SEMA6D: variants seen among roughly 807,000 people sequenced by gnomAD.
The protein encoded by SEMA6D is semaphorin-6D.
In SEMA6D, 35 loss-of-function variants were observed where a neutral mutation model predicts 106.6. The observed-to-expected ratio is 0.33, with a 90% CI of 0.25 to 0.44. SEMA6D has a LOEUF of 0.44. Among genes scored for constraint, SEMA6D ranks in the 20% least tolerant of loss-of-function variants. SEMA6D has a pLI of 1.00. For missense variants in SEMA6D, 1,185 were observed against 1,345.9 expected, an observed-to-expected ratio of 0.88 and a Z score of 1.87; for synonymous variants, 499 against 487.7, an observed-to-expected ratio of 1.02 and a Z score of -0.31.
intron 1 of SEMA6D, among the ~76,000 whole-genome samples, chr15:47,307,095 A>G (rs2036261745): frequency 1.3e-5 from 2 of 152,188 alleles, no homozygotes; most frequent in African/African-American, 4.8e-5. Context: ...CATCTGTTTA[A>G]TGGGGATAAT....
At chr15:47,603,562 A>T (rs1475163241) in intron 4 of SEMA6D, 5 of 152,266 alleles carry the variant, frequency 3.3e-5, no homozygotes, top group South Asian at 4.1e-4. Context: ...CATCTGTAAA[A>T]TAAAGATGTT....
At chr15:47,189,504 A>T (rs1566914591) in intron 1 of SEMA6D, among the ~76,000 whole-genome samples, 1 of 152,212 alleles carries the variant, frequency 6.6e-6, no homozygotes, top group Non-Finnish European at 1.5e-5. Flanking sequence ...GTTGAGAGAA[A>T]AAAAACCCCA....
chr15:47,488,895 TGA>T lies in SEMA6D; in HGVS notation c.-87+18351_-87+18352del, dbSNP rs893858311. 5.4e-3 allele frequency among the ~76,000 whole-genome samples: 816 copies of T among 152,130 alleles called. 6 individuals carry two copies. The highest frequency in any genetic ancestry group is 0.019 in the African/African-American group (782 of 41,510). On this transcript the variant is annotated intron_variant, in intron 3 of 19. Coordinates refer to the SEMA6D transcript ENST00000558014. The stretch of plus-strand genomic sequence containing the variant: ...GAATTCATATTTTACCCTAAAACGG[TGA>T]AGAGTAGAGAGTAATTGAAGACTTA...
chr15:47,556,046 G>A (rs973247657), intron 3 of SEMA6D, among the ~76,000 whole-genome samples: 10 of 152,018 alleles, frequency 6.6e-5, no homozygotes, highest in Non-Finnish European at 1.3e-4. Context: ...GAGAATAAAG[G>A]CCTCATTAGA....
At chr15:47,566,154 A>ATGAGGTCATTCCT (rs1294095604) in intron 3 of SEMA6D, among the ~76,000 whole-genome samples, 1 of 152,202 alleles carries the variant, frequency 6.6e-6, no homozygotes, top group Non-Finnish European at 1.5e-5. Flanking sequence ...AGATGTCTGG[A>ATGAGGTCATTCCT]TGAGGTCATT....
At chr15:47,579,651 G>A (rs960449156) in intron 3 of SEMA6D, among the ~76,000 whole-genome samples, 2 of 152,120 alleles carry the variant, frequency 1.3e-5, no homozygotes, top group African/African-American at 4.8e-5. Flanking sequence ...TAAGTGGCAT[G>A]TGACTACAGT....
At chr15:47,533,475 G>C in intron 3 of SEMA6D, among the ~76,000 whole-genome samples, 1 of 152,188 alleles carries the variant, frequency 6.6e-6, no homozygotes, top group East Asian at 1.9e-4. Flanking sequence ...ACAATAGTCA[G>C]CAGAAAGTGT....
At chr15:47,687,066 CAA>C (rs369941348) in intron 4 of SEMA6D, among the ~76,000 whole-genome samples, 36 of 120,952 alleles carry the variant, frequency 3.0e-4, no homozygotes, top group Non-Finnish European at 2.2e-4. Context: ...ACCCTGTATC[CAA>C]AAAAAAAAAA....
intron 3 of SEMA6D, among the ~76,000 whole-genome samples, chr15:47,483,456 G>A (rs1432076982): frequency 6.6e-6 from 1 of 152,138 alleles, no homozygotes; most frequent in Non-Finnish European, 1.5e-5. Context: ...TATGAAATTT[G>A]TGGCTGCTCA....
intron 3 of SEMA6D, among the ~76,000 whole-genome samples, chr15:47,545,754 A>G (rs1269132196): frequency 1.3e-5 from 2 of 152,182 alleles, no homozygotes; most frequent in Non-Finnish European, 2.9e-5. Context: ...CTCAGAGGAC[A>G]GAATGAAGGA....
intron 4 of SEMA6D, among the ~76,000 whole-genome samples, chr15:47,643,293 T>G (rs2077523317): frequency 6.6e-6 from 1 of 152,222 alleles, no homozygotes; most frequent in Non-Finnish European, 1.5e-5. Flanking sequence ...GGCCTGCATT[T>G]CCACTGCTTT....
intron 3 of SEMA6D, among the ~76,000 whole-genome samples, chr15:47,491,006 G>A (rs954835029): frequency 6.6e-5 from 10 of 152,118 alleles, no homozygotes; most frequent in African/African-American, 2.4e-4. Context: ...TAGTGGGAAT[G>A]TAAACTGAAG....
intron 4 of SEMA6D, among the ~76,000 whole-genome samples, chr15:47,648,143 T>C (rs2077616422): frequency 6.6e-6 from 1 of 152,132 alleles, no homozygotes; most frequent in South Asian, 2.1e-4. Flanking sequence ...TGATACAAAA[T>C]ATATACAGCA....
chr15:47,439,576 G>T (rs2041823132), intron 2 of SEMA6D, among the ~76,000 whole-genome samples: 1 of 152,084 alleles, frequency 6.6e-6, no homozygotes, highest in South Asian at 2.1e-4. Flanking sequence ...CTGGGCCATG[G>T]TGTATCTTTT....
At chr15:47,213,210 G>T (rs886385182) in intron 1 of SEMA6D, among the ~76,000 whole-genome samples, 1 of 152,188 alleles carries the variant, frequency 6.6e-6, no homozygotes, top group Non-Finnish European at 1.5e-5. Flanking sequence ...TAGTGGCTGT[G>T]TATTTTGGAC....
At chr15:47,396,827 A>C (rs778387380) in intron 1 of SEMA6D, 11 of 152,126 alleles carry the variant, frequency 7.2e-5, no homozygotes, top group Non-Finnish European at 1.2e-4. Flanking sequence ...GGCCCAGTGC[A>C]AAATTAGAAT....
At chr15:47,417,902 T>G (rs1199029303) in intron 2 of SEMA6D, among the ~76,000 whole-genome samples, 1 of 152,110 alleles carries the variant, frequency 6.6e-6, no homozygotes, top group Non-Finnish European at 1.5e-5. Flanking sequence ...TTTTGTGTAT[T>G]GGGGATACTG....
chr15:47,765,327 C>T lies in SEMA6D; in HGVS notation c.1427+271C>T. 2.5e-6 allele frequency: 3 copies of T among 1,222,264 alleles called. 1 individual carries two copies. Among genetic ancestry groups the T allele is most frequent in the South Asian group, 4.3e-5 (2 of 46,956 alleles). The allele number at this position is 1,222,264 out of a possible 1,614,324, so 75.7% of individuals were successfully genotyped here. A position where few individuals can be genotyped will look rare whatever the true frequency, so the allele number is the denominator to read the frequency against. On this transcript the variant is annotated intron_variant, in intron 13 of 18. Coordinates refer to ENST00000536845, the MANE Select transcript of SEMA6D (RefSeq NM_001358351.3). ...AACATTTTAACAGCACCTCTCTTAT[C>T]TTGCAGATATATTCCAAGATGCTAC...
intron 4 of SEMA6D, among the ~76,000 whole-genome samples, chr15:47,660,037 T>A (rs1448972221): frequency 2.0e-5 from 3 of 152,074 alleles, no homozygotes; most frequent in Non-Finnish European, 4.4e-5. Flanking sequence ...GACTCCATTT[T>A]TTTTTTGTAT....
Sources: gnomAD v4.1 joint callset for allele counts (sites outside exome capture counted in the v4.1 genomes callset) on GRCh38, gnomAD v4.1.1 for gene constraint, MANE v1.5 for transcripts, NCBI Gene and HGNC (gene_info 2026-07-23, HGNC 2026-07-21) for gene names.